The following DMD variants were observed in gnomAD, a reference collection of about 807,000 sequenced individuals.
DMD encodes mutant dystrophin.
In DMD, 63 loss-of-function variants were observed where a neutral mutation model predicts 330.1. The observed-to-expected ratio is 0.19, with a 90% CI of 0.16 to 0.24. The LOEUF (loss-of-function observed/expected upper bound fraction) is 0.24. DMD is among the 10% of genes least tolerant of loss of function. The probability of loss-of-function intolerance (pLI) is 1.00; values close to 1 mark genes in which losing one functional copy is unlikely to be tolerated. For synonymous variants in DMD, 1,223 were observed against 959.8 expected, an observed-to-expected ratio of 1.27 and a Z score of -5.07; for missense variants, 3,344 against 2,684.1, an observed-to-expected ratio of 1.25 and a Z score of -5.43.
intron 1 of DMD, among the ~76,000 whole-genome samples, chrX:33,317,187 C>A (rs1238738101): frequency 9.0e-6 from 1 of 110,543 alleles, no homozygotes; most frequent in Non-Finnish European, 1.9e-5. Flanking sequence ...ATAACTATTA[C>A]AACAAAATGA....
At chrX:32,889,441 C>T (rs1404529901) in intron 2 of DMD, among the ~76,000 whole-genome samples, 2 of 110,736 alleles carry the variant, frequency 1.8e-5, no homozygotes, top group East Asian at 5.8e-4. Flanking sequence ...CCACACCCGC[C>T]TTCAAATCCT....
At chrX:32,665,511 T>C (rs1029694562) in intron 9 of DMD, among the ~76,000 whole-genome samples, 78 of 112,284 alleles carry the variant, frequency 6.9e-4, no homozygotes, top group African/African-American at 2.5e-3. Flanking sequence ...TGTATTCAAT[T>C]AATACTAAAA....
chrX:33,074,734 C>T (rs1043248211), intron 1 of DMD, among the ~76,000 whole-genome samples: 1 of 111,327 alleles, frequency 9.0e-6, no homozygotes, highest in African/African-American at 3.3e-5. Context: ...AGAGTTCCCA[C>T]CAGCAAGAAG....
chrX:31,371,513 G>C (rs928323848), intron 60 of DMD, among the ~76,000 whole-genome samples: 2 of 110,902 alleles, frequency 1.8e-5, no homozygotes, highest in African/African-American at 6.6e-5. Context: ...AGTTCAGATG[G>C]GGAAATAAGA....
intron 47 of DMD, among the ~76,000 whole-genome samples, chrX:31,893,967 C>A (rs7892505): frequency 0.13 from 13,885 of 110,697 alleles, 702 homozygotes; most frequent in Admixed American, 0.23. Flanking sequence ...TATACACAGC[C>A]CTGAACGTGT....
At chrX:31,366,484 A>T (rs1276567714) in intron 60 of DMD, among the ~76,000 whole-genome samples, 4 of 100,526 alleles carry the variant, frequency 4.0e-5, no homozygotes, top group African/African-American at 1.5e-4. Flanking sequence ...AAAAAAAAAA[A>T]AAAAAAAAAA....
chrX:32,683,193 C>T (rs1353477227), intron 9 of DMD, among the ~76,000 whole-genome samples: 2 of 111,056 alleles, frequency 1.8e-5, no homozygotes, highest in Non-Finnish European at 3.8e-5. Flanking sequence ...GTTTCTAGGA[C>T]ATACTAATTA....
At chrX:33,030,423 A>G (rs2094087886) in intron 1 of DMD, among the ~76,000 whole-genome samples, 1 of 112,296 alleles carries the variant, frequency 8.9e-6, no homozygotes, top group Non-Finnish European at 1.9e-5. Context: ...AATAATGGAA[A>G]TAATGGATAT....
At chrX:32,965,838 C>T (rs1259043963) in intron 2 of DMD, among the ~76,000 whole-genome samples, 1 of 111,801 alleles carries the variant, frequency 8.9e-6, no homozygotes, top group Non-Finnish European at 1.9e-5. Flanking sequence ...TTCAAAGTAA[C>T]TATATGCTTT....
In DMD at chrX:32,951,581, C is replaced by A. The variant is rs182242600; in HGVS notation, c.93+68558G>T. On this transcript the variant is annotated intron_variant, in intron 2 of 78. Coordinates refer to ENST00000357033, the MANE Select transcript of DMD (RefSeq NM_004006.3). ...TTACTTGACAGTCAGTAGAAAAATT[C>A]TTCCCATGGGTTTCTCCTTTCTGAA... 9.7e-3 allele frequency among the ~76,000 whole-genome samples: 1,076 copies of A among 111,166 alleles called. 5 individuals carry two copies. The highest frequency in any genetic ancestry group is 0.016 in the Non-Finnish European group (837 of 53,022).
intron 2 of DMD, among the ~76,000 whole-genome samples, chrX:32,857,074 C>CAAA (rs754732939): frequency 2.4e-3 from 185 of 77,728 alleles, no homozygotes; most frequent in African/African-American, 8.6e-3. Flanking sequence ...GACTGCGTCT[C>CAAA]AAAAAAAAAA....
chrX:33,137,180 G>T (rs2095532621), intron 1 of DMD, among the ~76,000 whole-genome samples: 1 of 110,981 alleles, frequency 9.0e-6, no homozygotes, highest in Non-Finnish European at 1.9e-5. Context: ...GCTCTCCCAA[G>T]ACTATTACAA....
At chrX:33,206,810 T>C (rs918649776) in intron 1 of DMD, among the ~76,000 whole-genome samples, 1 of 111,400 alleles carries the variant, frequency 9.0e-6, no homozygotes, top group Non-Finnish European at 1.9e-5. Flanking sequence ...GATCTTTGTG[T>C]TTTTAATGGG....
chrX:31,234,121 C>T (rs1304745242), intron 63 of DMD, among the ~76,000 whole-genome samples: 1 of 111,837 alleles, frequency 8.9e-6, no homozygotes, highest in Non-Finnish European at 1.9e-5. Flanking sequence ...CCCACCCAGT[C>T]ACCTTCAGTC....
intron 44 of DMD, among the ~76,000 whole-genome samples, chrX:32,130,007 C>T (rs1349451293): frequency 2.0e-5 from 2 of 102,113 alleles, no homozygotes; most frequent in African/African-American, 7.2e-5. Context: ...GTCCCAGAAA[C>T]CTTTAAGTCT....
chrX:31,340,191 A>G, intron 61 of DMD, among the ~76,000 whole-genome samples: 1 of 112,431 alleles, frequency 8.9e-6, no homozygotes, highest in Non-Finnish European at 1.9e-5. Flanking sequence ...GGATATGATT[A>G]AGGCAGTTAA....
intron 55 of DMD, among the ~76,000 whole-genome samples, chrX:31,519,481 A>T (rs1020484889): frequency 1.8e-5 from 2 of 112,213 alleles, no homozygotes; most frequent in Non-Finnish European, 3.8e-5. Flanking sequence ...GCTTGTTTTA[A>T]TTATTAGGGT....
At chrX:31,716,852 CACACATAT>C (rs769581419) in intron 52 of DMD, among the ~76,000 whole-genome samples, 2,636 of 97,704 alleles carry the variant, frequency 0.027, 100 homozygotes, top group African/African-American at 0.093. Context: ...CACACACACA[CACACATAT>C]ATATATATAT....
intron 55 of DMD, among the ~76,000 whole-genome samples, chrX:31,580,787 C>T (rs770212941): frequency 4.5e-5 from 5 of 111,803 alleles, no homozygotes; most frequent in Non-Finnish European, 9.4e-5. Context: ...TGACAAGCTA[C>T]AAGCTTAAAT....
Sources: allele counts gnomAD v4.1 joint callset (sites outside exome capture counted in the v4.1 genomes callset), GRCh38; gene constraint gnomAD v4.1.1; transcripts MANE v1.5; gene names NCBI Gene and HGNC (gene_info 2026-07-23, HGNC 2026-07-21).